The following GRK3 variants were observed in gnomAD, a reference collection of about 807,000 sequenced individuals.
GRK3 encodes G protein-coupled receptor kinase 3.
In GRK3, 54 loss-of-function variants were observed where a neutral mutation model predicts 95.7. The observed-to-expected ratio is 0.56, with a 90% confidence interval of 0.45 to 0.71. GRK3 has a LOEUF of 0.71. Among genes scored for constraint, GRK3 ranks in the 30% least tolerant of loss-of-function variants. GRK3 has a pLI of 0.00. For missense variants in GRK3, 649 were observed against 851.2 expected, an observed-to-expected ratio of 0.76 and a Z score of 2.96; for synonymous variants, 281 against 290.8, an observed-to-expected ratio of 0.97 and a Z score of 0.34.
intron 12 of GRK3, among the ~76,000 whole-genome samples, chr22:25,694,830 A>G (rs1485884937): frequency 6.6e-6 from 1 of 152,200 alleles, no homozygotes; most frequent in Non-Finnish European, 1.5e-5. Context: ...TTTGCTCTTC[A>G]TAGCTGGAGT....
intron 18 of GRK3, among the ~76,000 whole-genome samples, chr22:25,717,214 A>C (rs1181847483): frequency 6.6e-6 from 1 of 152,146 alleles, no homozygotes; most frequent in East Asian, 1.9e-4. Flanking sequence ...TATATTGATG[A>C]CTTGAACATC....
chr22:25,684,976 A>G (rs1191417594), intron 9 of GRK3, among the ~76,000 whole-genome samples, 194 bp from the exon 10 acceptor site: 5 of 152,224 alleles, frequency 3.3e-5, no homozygotes, highest in Admixed American at 3.3e-4. Context: ...GGATACACTA[A>G]CTACCCTGAT....
At chr22:25,710,705 T>C (rs1293994335) in intron 16 of GRK3, among the ~76,000 whole-genome samples, 4 of 152,132 alleles carry the variant, frequency 2.6e-5, no homozygotes, top group Non-Finnish European at 5.9e-5. Flanking sequence ...CCAGGCCCCA[T>C]TGTCTGTTGT....
chr22:25,665,492 C>T (rs1276849410), intron 5 of GRK3, among the ~76,000 whole-genome samples: 1 of 151,728 alleles, frequency 6.6e-6, no homozygotes, highest in African/African-American at 2.4e-5. Context: ...TCTTTCATAC[C>T]TTCAAAAAAC....
chr22:25,638,473 G>A (rs2084719586), intron 2 of GRK3, among the ~76,000 whole-genome samples: 1 of 152,152 alleles, frequency 6.6e-6, no homozygotes, highest in Admixed American at 6.5e-5. Context: ...TTACTCCCAT[G>A]GATTACGTGT....
chr22:25,572,526 T>C (rs1931739963), intron 1 of GRK3, among the ~76,000 whole-genome samples: 1 of 152,220 alleles, frequency 6.6e-6, no homozygotes, highest in South Asian at 2.1e-4. Flanking sequence ...TGTTGTTTCC[T>C]TTTTAATGAT....
chr22:25,707,967 G>T (rs2085312983), intron 15 of GRK3, among the ~76,000 whole-genome samples: 1 of 152,148 alleles, frequency 6.6e-6, no homozygotes, highest in Non-Finnish European at 1.5e-5. Flanking sequence ...GCCAGGCGCA[G>T]TGGCTCACGC....
chr22:25,619,000 G>A (rs542571052), intron 2 of GRK3, among the ~76,000 whole-genome samples: 86 of 152,280 alleles, frequency 5.6e-4, no homozygotes, highest in African/African-American at 2.0e-3. Flanking sequence ...GTCATGGTGA[G>A]AGATTAAGTC....
At chr22:25,702,948 A>G (rs1361429776) in intron 13 of GRK3, 3 of 454,912 alleles carry the variant, frequency 6.6e-6, no homozygotes, top group South Asian at 1.6e-5. Flanking sequence ...CTGCACAGGG[A>G]AAACAGGAAG....
In GRK3 at chr22:25,639,741, C is replaced by T. The variant is rs1435210696; in HGVS notation, c.191-4851C>T. On this transcript the variant is annotated intron_variant, in intron 2 of 20. Coordinates refer to ENST00000324198, the MANE Select transcript of GRK3 (RefSeq NM_005160.4). ...TATGATTGTAATTGCACTGAATCTA[C>T]AAATTATTCTGGGAAGAATTAACAT... is the stretch of plus-strand genomic sequence containing the variant. 2.0e-5 allele frequency among the ~76,000 whole-genome samples: 3 copies of T among 152,250 alleles called. No homozygotes were observed. The South Asian group carries it at 6.2e-4, about 32-fold the overall frequency.
intron 13 of GRK3, among the ~76,000 whole-genome samples, chr22:25,700,678 CA>C (rs772129989): frequency 1.4e-4 from 21 of 152,176 alleles, no homozygotes; most frequent in Non-Finnish European, 2.5e-4. Context: ...AGCTCTGCCT[CA>C]CAGGTTCACA....
At chr22:25,567,525 A>G (rs546915324) in intron 1 of GRK3, among the ~76,000 whole-genome samples, 3 of 152,336 alleles carry the variant, frequency 2.0e-5, no homozygotes, top group Non-Finnish European at 4.4e-5. Context: ...TAATGACTTA[A>G]ATAGCTGGTA....
At chr22:25,694,992 T>A in intron 12 of GRK3, 115 bp from the exon 13 acceptor site, 1 of 651,476 alleles carries the variant, frequency 1.5e-6, no homozygotes, top group South Asian at 2.1e-5. Flanking sequence ...AACTGTCCCC[T>A]CTCCTTTGTT....
chr22:25,627,632 A>G (rs1347490803), intron 2 of GRK3, among the ~76,000 whole-genome samples: 1 of 152,228 alleles, frequency 6.6e-6, no homozygotes, highest in Non-Finnish European at 1.5e-5. Flanking sequence ...TGAGCCAATT[A>G]AGTACTAGCC....
intron 9 of GRK3, among the ~76,000 whole-genome samples, chr22:25,681,388 G>A (rs914398778): frequency 4.6e-5 from 7 of 152,232 alleles, no homozygotes; most frequent in African/African-American, 1.2e-4. Context: ...TGGGGTCAGC[G>A]AATGCCTTTC....
intron 15 of GRK3, among the ~76,000 whole-genome samples, chr22:25,705,457 C>T (rs1258700926): frequency 5.9e-5 from 9 of 152,116 alleles, no homozygotes; most frequent in African/African-American, 2.2e-4. Flanking sequence ...CATAATCAAT[C>T]TTTGTGCTTT....
At chr22:25,713,818 G>T (rs1216123351) in intron 17 of GRK3, among the ~76,000 whole-genome samples, 2 of 152,126 alleles carry the variant, frequency 1.3e-5, no homozygotes, top group African/African-American at 4.8e-5. Context: ...AGGCTCCATT[G>T]CCTGAACTCC....
Position 25,606,350 on chromosome 22 carries a change from G to A in GRK3, c.190+1897G>A, listed in dbSNP as rs528758486. 3.3e-5 allele frequency among the ~76,000 whole-genome samples: 5 copies of A among 152,332 alleles called. No homozygotes were observed. The South Asian group carries it at 8.3e-4, about 25-fold the overall frequency. On this transcript the variant is annotated intron_variant, in intron 2 of 20. Coordinates refer to ENST00000324198, the MANE Select transcript of GRK3 (RefSeq NM_005160.4). Reference sequence around the variant, plus strand: ...GCAGCTGATCGGAGGCTTAGGGAGAGCGCACACCACCATCTGTAATTACGT... The same window carrying A: ...GCAGCTGATCGGAGGCTTAGGGAGAACGCACACCACCATCTGTAATTACGT...
rs2085103818 is a variant in GRK3 at position 25,685,242 on chromosome 22, A to G, written c.820A>G (p.Met274Val). 1.2e-6 allele frequency: 2 copies of G among 1,611,884 alleles called. No individual in the cohort carries two copies. Among genetic ancestry groups the G allele is most frequent in the African/African-American group, 1.3e-5 (1 of 74,860 alleles). Residue 274 changes from methionine to valine, a missense_variant, in exon 10 of 21, where the codon ATG (methionine) becomes GTG (valine). Physicochemically the swap from Met to Val is conservative, Grantham distance 21. This residue lies in a region of GRK3 where 61 missense variants were observed against 126.0 expected (regional missense o/e 0.48). Transcript: ENST00000324198. ...TAAACTCTGCTTCATCCTGGATCTGATGAACGGTAAGCAAAACTTGGAAAA... is the reference window on the plus strand; with the variant it reads ...TAAACTCTGCTTCATCCTGGATCTGGTGAACGGTAAGCAAAACTTGGAAAA... ...PDKLCFILDL[M>V]NGGDLHYHLS...
Sources: allele counts gnomAD v4.1 joint callset (sites outside exome capture counted in the v4.1 genomes callset), GRCh38; gene constraint gnomAD v4.1.1; regional missense constraint gnomAD v4.1.1; transcripts MANE v1.5; gene names NCBI Gene and HGNC (gene_info 2026-07-23, HGNC 2026-07-21).